Variants in GMDS observed in about 807,000 individuals in gnomAD.
GMDS encodes GDP-mannose 4,6 dehydratase.
GMDS carries 20 observed loss-of-function variants against 49.9 expected under a neutral mutation model. That is an observed-to-expected ratio of 0.40 (90% CI 0.28 to 0.58). GMDS has a LOEUF of 0.58. GMDS is among the 20% of genes least tolerant of loss of function. The probability of loss-of-function intolerance (pLI) is 0.42; values close to 1 mark genes in which losing one functional copy is unlikely to be tolerated. For missense variants in GMDS, 362 were observed against 481.4 expected (o/e 0.75, Z 2.32); for synonymous variants, 177 against 178.6 (o/e 0.99, Z 0.07).
intron 9 of GMDS, among the ~76,000 whole-genome samples, chr6:1,663,552 C>T (rs1306899485): frequency 6.6e-6 from 1 of 152,158 alleles, no homozygotes; most frequent in Admixed American, 6.5e-5. Flanking sequence ...TACACGGCGG[C>T]CCTCCTCCTC....
intron 4 of GMDS, among the ~76,000 whole-genome samples, chr6:2,069,827 A>G (rs922211205): frequency 1.3e-3 from 198 of 152,200 alleles, no homozygotes; most frequent in African/African-American, 3.9e-3. Context: ...GTGGGACTGT[A>G]AACTAGTTCA....
intron 4 of GMDS, among the ~76,000 whole-genome samples, chr6:2,044,454 T>C (rs568675183): frequency 6.6e-6 from 1 of 152,208 alleles, no homozygotes; most frequent in South Asian, 2.1e-4. Context: ...AGCAAACTAC[T>C]GGAGGAACAG....
intron 6 of GMDS, among the ~76,000 whole-genome samples, chr6:1,936,830 G>C (rs1235264383): frequency 1.3e-5 from 2 of 152,024 alleles, no homozygotes; most frequent in African/African-American, 2.4e-5. Flanking sequence ...AGCCAGGTGT[G>C]GTGGTGCGAG....
At chr6:1,754,814 G>A (rs1767878117) in intron 7 of GMDS, among the ~76,000 whole-genome samples, 3 of 152,138 alleles carry the variant, frequency 2.0e-5, no homozygotes, top group South Asian at 4.1e-4. Flanking sequence ...AAGGGCCTTC[G>A]ATAAAAATCA....
At chr6:2,031,730 C>G (rs1418733434) in intron 4 of GMDS, among the ~76,000 whole-genome samples, 1 of 152,092 alleles carries the variant, frequency 6.6e-6, no homozygotes, top group South Asian at 2.1e-4. Flanking sequence ...CTGAACTGCC[C>G]CAGAGGCCAG....
chr6:2,198,185 A>G (rs1444721389), intron 1 of GMDS, among the ~76,000 whole-genome samples: 2 of 152,216 alleles, frequency 1.3e-5, no homozygotes, highest in Non-Finnish European at 2.9e-5. Context: ...AGAATGCAGA[A>G]CTTGCAGCAG....
At chr6:1,903,265 T>C (rs1268875436) in intron 7 of GMDS, among the ~76,000 whole-genome samples, 1 of 152,230 alleles carries the variant, frequency 6.6e-6, no homozygotes, top group African/African-American at 2.4e-5. Context: ...GATCACGATA[T>C]AGGGTTTTGA....
rs12198576 is a variant in GMDS at position 1,991,260 on chromosome 6, C to A, written c.346-30294G>T. Among the ~76,000 whole-genome samples, 7 of 151,894 alleles carry A rather than the reference C, an allele frequency of 4.6e-5. No homozygotes were observed. In the East Asian group the frequency reaches 1.2e-3, roughly 25 times the overall value. ...CCAGGACCAATCTTCTCCCAGGCCC[C>A]GACTCCCAGGCTCTTCCACAGCTCC... is the stretch of plus-strand genomic sequence containing the variant. On this transcript the variant is annotated intron_variant, in intron 4 of 10. Coordinates refer to ENST00000380815, the MANE Select transcript of GMDS (RefSeq NM_001500.4).
At chr6:2,202,368 G>A (rs1346627534) in intron 1 of GMDS, among the ~76,000 whole-genome samples, 1 of 150,742 alleles carries the variant, frequency 6.6e-6, no homozygotes, top group African/African-American at 2.4e-5. Flanking sequence ...TAGGCAGTGA[G>A]GGCAGCATGT....
At chr6:1,802,743 C>T (rs544704137) in intron 7 of GMDS, among the ~76,000 whole-genome samples, 2 of 152,334 alleles carry the variant, frequency 1.3e-5, no homozygotes, top group East Asian at 3.9e-4. Flanking sequence ...TTACCTTTTT[C>T]CCCCTCTAAC....
At chr6:2,144,211 G>A (rs1046120495) in intron 1 of GMDS, among the ~76,000 whole-genome samples, 10 of 152,156 alleles carry the variant, frequency 6.6e-5, no homozygotes, top group African/African-American at 1.9e-4. Flanking sequence ...GAGGGCAAAG[G>A]AAGATTACAA....
At chr6:1,980,432 TAA>T (rs66838040) in intron 4 of GMDS, among the ~76,000 whole-genome samples, 33 of 146,850 alleles carry the variant, frequency 2.2e-4, no homozygotes, top group Admixed American at 4.0e-4. Context: ...CAACAAAGAT[TAA>T]AAAAAAAAAA....
chr6:1,711,163 C>A (rs557619134), intron 9 of GMDS, among the ~76,000 whole-genome samples: 14 of 152,344 alleles, frequency 9.2e-5, no homozygotes, highest in Non-Finnish European at 7.3e-5. Flanking sequence ...ATGAAACCAA[C>A]AAGGTTAGGG....
chr6:1,790,331 G>C (rs1314465638), intron 7 of GMDS, among the ~76,000 whole-genome samples: 2 of 152,110 alleles, frequency 1.3e-5, no homozygotes, highest in African/African-American at 4.8e-5. Flanking sequence ...AGTCTCCATG[G>C]GAGTTAGGCA....
At chr6:1,694,642 G>A (rs973721403) in intron 9 of GMDS, among the ~76,000 whole-genome samples, 2 of 152,236 alleles carry the variant, frequency 1.3e-5, no homozygotes, top group African/African-American at 2.4e-5. Context: ...TGCTCCCTAG[G>A]AGTTATATTT....
intron 8 of GMDS, among the ~76,000 whole-genome samples, chr6:1,733,723 G>C (rs1488262611): frequency 6.6e-6 from 1 of 152,154 alleles, no homozygotes; most frequent in African/African-American, 2.4e-5. Flanking sequence ...GTGGTGGTGT[G>C]CACCCATTGT....
At chr6:1,770,757 G>A (rs964722034) in intron 7 of GMDS, among the ~76,000 whole-genome samples, 1 of 152,212 alleles carries the variant, frequency 6.6e-6, no homozygotes, top group Non-Finnish European at 1.5e-5. Context: ...ACATCCAAAA[G>A]GGTCTTCTTA....
At chr6:1,725,379 A>C (rs1171553778) in intron 9 of GMDS, among the ~76,000 whole-genome samples, 15 of 152,194 alleles carry the variant, frequency 9.9e-5, no homozygotes, top group Admixed American at 9.8e-4. Context: ...TCGCCCATCC[A>C]TCTAGCAATC....
intron 4 of GMDS, among the ~76,000 whole-genome samples, chr6:2,040,563 T>TAC (rs1293653045): frequency 2.0e-5 from 3 of 152,194 alleles, no homozygotes; most frequent in Admixed American, 6.5e-5. Flanking sequence ...AGCAGCAATG[T>TAC]ACATTAATTT....
Sources: allele counts gnomAD v4.1 joint callset (sites outside exome capture counted in the v4.1 genomes callset), GRCh38; gene constraint gnomAD v4.1.1; transcripts MANE v1.5; gene names NCBI Gene and HGNC (gene_info 2026-07-23, HGNC 2026-07-21).